The following NRXN3 variants were observed in gnomAD, a reference collection of about 807,000 sequenced individuals.
NRXN3 encodes the protein neurexin III.
Under a neutral mutation model 137.6 loss-of-function variants are expected in NRXN3, and 32 were observed. The ratio of observed to expected loss-of-function variants is 0.23; its 90% CI spans 0.18 to 0.31. The LOEUF is 0.31. Ranked by LOEUF, NRXN3 falls within the 10% of genes least tolerant of loss-of-function variation. The pLI is 1.00. For synonymous variants in NRXN3, 798 were observed against 784.5 expected (o/e 1.02, Z -0.29); for missense variants, 1,574 against 2,062.5 (o/e 0.76, Z 4.59).
intron 4 of NRXN3, among the ~76,000 whole-genome samples, chr14:78,567,932 C>T (rs1418406666): frequency 6.6e-6 from 1 of 152,154 alleles, no homozygotes; most frequent in African/African-American, 2.4e-5. Flanking sequence ...TTTCCATCTC[C>T]ATCATTCCTT....
In NRXN3 at chr14:78,966,124, T is replaced by C. The variant is rs751659436; in HGVS notation, c.2495T>C (p.Ile832Thr). Residue 832 changes from isoleucine to threonine, a missense_variant, in exon 12 of 21, where the codon ATT becomes ACT. Ile to Thr is a moderately conservative substitution (Grantham distance 89, BLOSUM62 -1). Around this residue, in one of 5 missense-constraint regions of NRXN3, gnomAD observed 718 missense variants for 887.6 expected, o/e 0.81. Transcript: ENST00000335750. ...RYISVVPSSF[I>T]GHLQSLMFNG... ...ATCTCCGTTGTCCCCTCCAGCTTTA[T>C]TGGCCATCTGCAGAGCCTCATGTTT... 2.5e-6 allele frequency: 4 copies of C among 1,614,208 alleles called. No individual in the cohort carries two copies. Among genetic ancestry groups the C allele is most frequent in the African/African-American group, 1.3e-5 (1 of 75,068 alleles).
intron 15 of NRXN3, among the ~76,000 whole-genome samples, chr14:79,249,831 C>T (rs1399136882): frequency 2.0e-5 from 3 of 152,112 alleles, no homozygotes; most frequent in Non-Finnish European, 4.4e-5. Flanking sequence ...AATATCTAAC[C>T]CAGTGTACCT....
chr14:79,705,240 G>T (rs750950516), intron 19 of NRXN3, among the ~76,000 whole-genome samples: 1 of 152,106 alleles, frequency 6.6e-6, no homozygotes, highest in Non-Finnish European at 1.5e-5. Context: ...TTAAACCTCA[G>T]GGTGGTTTTT....
chr14:78,415,539 C>T (rs1476349502), intron 4 of NRXN3, among the ~76,000 whole-genome samples: 1 of 152,122 alleles, frequency 6.6e-6, no homozygotes, highest in Non-Finnish European at 1.5e-5. Context: ...CAGGAAGGCT[C>T]CTTCACAAGA....
intron 15 of NRXN3, among the ~76,000 whole-genome samples, chr14:79,126,802 G>T (rs1048817000): frequency 1.3e-5 from 2 of 152,150 alleles, no homozygotes; most frequent in Non-Finnish European, 2.9e-5. Context: ...CAGTGTAAAA[G>T]TCTTCCTATT....
intron 15 of NRXN3, among the ~76,000 whole-genome samples, chr14:79,431,981 G>T (rs184871547): frequency 2.8e-3 from 419 of 152,060 alleles, no homozygotes; most frequent in African/African-American, 9.4e-3. Flanking sequence ...TCTGTCCTCT[G>T]CATGTAGCCA....
intron 15 of NRXN3, among the ~76,000 whole-genome samples, chr14:79,209,321 A>T (rs997951625): frequency 6.6e-6 from 1 of 152,084 alleles, no homozygotes; most frequent in Non-Finnish European, 1.5e-5. Context: ...ATTAAAAAAA[A>T]AAAACAGAGG....
chr14:79,821,666 AC>A (rs1302524392), intron 20 of NRXN3, among the ~76,000 whole-genome samples: 1 of 73,004 alleles, frequency 1.4e-5, no homozygotes, highest in African/African-American at 4.8e-5. Flanking sequence ...TAAAGCTAAG[AC>A]CTTTTTTTTT....
chr14:78,897,877 T>C (rs2099182536), intron 10 of NRXN3, among the ~76,000 whole-genome samples: 1 of 151,988 alleles, frequency 6.6e-6, no homozygotes, highest in Non-Finnish European at 1.5e-5. Context: ...GGATGGCATA[T>C]ACCTTATTAA....
At chr14:78,172,401 T>A (rs2058808637) in intron 1 of NRXN3, among the ~76,000 whole-genome samples, 1 of 152,096 alleles carries the variant, frequency 6.6e-6, no homozygotes, top group Non-Finnish European at 1.5e-5. Flanking sequence ...ATGGGCAAGT[T>A]TACCTAAGGG....
intron 1 of NRXN3, among the ~76,000 whole-genome samples, chr14:78,239,581 G>A (rs1411173167): frequency 6.6e-6 from 1 of 152,172 alleles, no homozygotes; most frequent in African/African-American, 2.4e-5. Context: ...ACCTCCTGCT[G>A]TTCTTCAAGT....
intron 20 of NRXN3, among the ~76,000 whole-genome samples, chr14:79,842,209 G>T (rs538773449): frequency 6.6e-6 from 1 of 152,272 alleles, no homozygotes; most frequent in South Asian, 2.1e-4. Flanking sequence ...CCAGTGAAGT[G>T]GGGGAGGACT....
intron 15 of NRXN3, among the ~76,000 whole-genome samples, chr14:79,216,914 A>T (rs906123063): frequency 6.6e-6 from 1 of 152,164 alleles, no homozygotes; most frequent in African/African-American, 2.4e-5. Context: ...AGGTGGGTGG[A>T]TCACAAGGTC....
chr14:79,403,306 A>G (rs897681683), intron 15 of NRXN3, among the ~76,000 whole-genome samples: 5 of 152,184 alleles, frequency 3.3e-5, no homozygotes, highest in Admixed American at 3.3e-4. Context: ...GCCTTTCCCA[A>G]AAATAGGTGA....
At chr14:79,318,918 C>T (rs1037888582) in intron 15 of NRXN3, among the ~76,000 whole-genome samples, 7 of 152,142 alleles carry the variant, frequency 4.6e-5, no homozygotes, top group African/African-American at 1.7e-4. Flanking sequence ...CCTTGTGGTT[C>T]ATACCCTAAT....
intron 15 of NRXN3, among the ~76,000 whole-genome samples, chr14:79,031,916 G>A (rs1298273457): frequency 2.6e-5 from 4 of 152,074 alleles, no homozygotes; most frequent in East Asian, 1.9e-4. Context: ...AGACTGCAGA[G>A]GTTTGTGAAG....
At chr14:79,756,408 A>T (rs1030201730) in intron 19 of NRXN3, among the ~76,000 whole-genome samples, 1 of 152,158 alleles carries the variant, frequency 6.6e-6, no homozygotes, top group Non-Finnish European at 1.5e-5. Flanking sequence ...GCTTTTAGAG[A>T]GGATCTTTCT....
chr14:78,524,430 A>G (rs1252797441), intron 4 of NRXN3, among the ~76,000 whole-genome samples: 1 of 152,252 alleles, frequency 6.6e-6, no homozygotes, highest in Non-Finnish European at 1.5e-5. Flanking sequence ...ACTATCTGAG[A>G]TCATCTTTCT....
intron 2 of NRXN3, among the ~76,000 whole-genome samples, chr14:78,250,644 G>A (rs1426703665): frequency 6.6e-6 from 1 of 152,196 alleles, no homozygotes; most frequent in East Asian, 1.9e-4. Flanking sequence ...AGGCAGGTAG[G>A]GCAGGCCTTA....
Sources: gnomAD v4.1 joint callset for allele counts (sites outside exome capture counted in the v4.1 genomes callset) on GRCh38, gnomAD v4.1.1 for gene constraint, gnomAD v4.1.1 regional missense constraint, MANE v1.5 for transcripts, NCBI Gene and HGNC (gene_info 2026-07-23, HGNC 2026-07-21) for gene names.